Variants in CACNA2D1 observed in about 807,000 individuals in gnomAD.
The protein encoded by CACNA2D1 is calcium voltage-gated channel auxiliary subunit alpha2delta 1.
A neutral mutation model predicts 171.5 loss-of-function variants in CACNA2D1; 53 were observed. The observed-to-expected ratio is 0.31, with a 90% CI of 0.25 to 0.39. The LOEUF is 0.39. Among genes scored for constraint, CACNA2D1 ranks in the 10% least tolerant of loss-of-function variants. The pLI is 1.00. For missense variants in CACNA2D1, 903 were observed against 1,299.8 expected (o/e 0.69, Z 4.69); for synonymous variants, 442 against 443.1 (o/e 1.00, Z 0.03).
At chr7:82,215,922 G>A (rs1284981642) in intron 3 of CACNA2D1, among the ~76,000 whole-genome samples, 1 of 152,006 alleles carries the variant, frequency 6.6e-6, no homozygotes, top group Non-Finnish European at 1.5e-5. Flanking sequence ...CTCTATGCAA[G>A]AAAAATATTT....
In CACNA2D1 at chr7:82,410,350, T is replaced by C. The variant is rs555051607; in HGVS notation, c.95+33015A>G. The C allele has an allele frequency of 8.7e-5, 18 of 205,902 alleles. No homozygotes were observed. In the South Asian group the frequency reaches 2.8e-3, roughly 32 times the overall value. The allele number at this position is 205,902 out of a possible 1,614,324, so 12.8% of individuals were successfully genotyped here. A position where few individuals can be genotyped will look rare whatever the true frequency, so the allele number is the denominator to read the frequency against. Reference sequence around the variant, plus strand: ...AATATACCTTTTCATCCTTTCCTTATGAATCAATCCATCATAGCGGTTTAC... The same window carrying C: ...AATATACCTTTTCATCCTTTCCTTACGAATCAATCCATCATAGCGGTTTAC... On this transcript the variant is annotated intron_variant, in intron 1 of 38. Transcript: ENST00000356860.
chr7:82,211,632 C>T (rs996877311), intron 3 of CACNA2D1, among the ~76,000 whole-genome samples: 14 of 152,142 alleles, frequency 9.2e-5, no homozygotes, highest in African/African-American at 2.9e-4. Flanking sequence ...AGGTTGATTC[C>T]ATGTCTTTGC....
intron 3 of CACNA2D1, among the ~76,000 whole-genome samples, chr7:82,205,934 A>T (rs937497037): frequency 2.0e-5 from 3 of 152,132 alleles, no homozygotes; most frequent in South Asian, 2.1e-4. Flanking sequence ...TAACTTAAAA[A>T]TTTTTTTGTT....
intron 2 of CACNA2D1, among the ~76,000 whole-genome samples, chr7:82,348,390 A>C (rs1479532327): frequency 1.3e-5 from 2 of 152,094 alleles, no homozygotes; most frequent in East Asian, 3.9e-4. Context: ...TTTTATCAAC[A>C]GAGTGTCAGT....
At chr7:82,104,569 A>T (rs898552723) in intron 6 of CACNA2D1, among the ~76,000 whole-genome samples, 4 of 152,044 alleles carry the variant, frequency 2.6e-5, no homozygotes, top group Non-Finnish European at 5.9e-5. Context: ...TAGTTTAAAA[A>T]TTTTATTTCT....
chr7:81,972,240 A>T (rs1475579035), intron 25 of CACNA2D1, among the ~76,000 whole-genome samples: 1 of 151,332 alleles, frequency 6.6e-6, no homozygotes, highest in Non-Finnish European at 1.5e-5. Context: ...ATACACACAT[A>T]AAATTTTATA....
intron 3 of CACNA2D1, among the ~76,000 whole-genome samples, chr7:82,237,634 C>T (rs1160143262): frequency 1.3e-5 from 2 of 151,942 alleles, no homozygotes; most frequent in Non-Finnish European, 2.9e-5. Context: ...CAAGCTAAAA[C>T]ACACATTAAG....
chr7:82,116,989 C>A lies in CACNA2D1; in HGVS notation c.526+55G>T, dbSNP rs1387377485. 19 of 1,595,168 alleles carry A rather than the reference C, an allele frequency of 1.2e-5. No individual in the cohort carries two copies. The East Asian group carries it at 4.0e-4, about 34-fold the overall frequency. ...TTTTTTCCCCCTCAAACATGGGAAACATAAGACAGGCGAGAGCATGGTATT... is the reference window on the plus strand; with the variant it reads ...TTTTTTCCCCCTCAAACATGGGAAAAATAAGACAGGCGAGAGCATGGTATT... On this transcript the variant is annotated intron_variant, in intron 6 of 38. Coordinates refer to ENST00000356860, the MANE Select transcript of CACNA2D1 (RefSeq NM_000722.4).
At chr7:82,168,849 A>G (rs73387962) in intron 4 of CACNA2D1, among the ~76,000 whole-genome samples, 14,870 of 152,130 alleles carry the variant, frequency 0.098, 1,293 homozygotes, top group African/African-American at 0.23. Flanking sequence ...AGGCAAAGAA[A>G]AAGGGTGCTT....
In CACNA2D1 at chr7:82,175,129, AG is replaced by A. The variant is rs1243381779; in HGVS notation, c.295-4521del. On this transcript the variant is annotated intron_variant, in intron 3 of 38. Transcript: ENST00000356860. ...AGATTGCAAATTTATTGCAAGTTAA[AG>A]ATAAAATTTGCTTTCTGAAATTATG... is the stretch of plus-strand genomic sequence containing the variant. 8.5e-5 allele frequency among the ~76,000 whole-genome samples: 13 copies of A among 152,148 alleles called. No homozygotes were observed. In the East Asian group the frequency reaches 2.5e-3, roughly 29 times the overall value.
At position 82,149,796 on chromosome 7, in the gene CACNA2D1, A is replaced by G. The variant is rs796420465; in HGVS notation, c.355-13120T>C. Among the ~76,000 whole-genome samples the G allele has an allele frequency of 6.2e-3, 847 of 136,730 alleles. 8 individuals are homozygous for G. The highest frequency in any genetic ancestry group is 0.02 in the African/African-American group (769 of 38,384). 89.7% of individuals were successfully genotyped at this position (136,730 alleles called of 152,430 possible). A position where few individuals can be genotyped will look rare whatever the true frequency, so the allele number is the denominator to read the frequency against. ...ACAAAAAAAAAACAAACAAACAACA[A>G]AAAAAAAAACATTAGCTGGGTGTGG... On this transcript the variant is annotated intron_variant, in intron 4 of 38. Transcript: ENST00000356860.
At chr7:82,263,015 T>C (rs958461913) in intron 3 of CACNA2D1, among the ~76,000 whole-genome samples, 5 of 152,024 alleles carry the variant, frequency 3.3e-5, no homozygotes, top group African/African-American at 7.2e-5. Flanking sequence ...GCTGTCCCAT[T>C]CTTCATTGAA....
At chr7:82,117,257 A>C (rs752751332) in intron 5 of CACNA2D1, 84 bp from the exon 6 acceptor site, 63 of 1,311,938 alleles carry the variant, frequency 4.8e-5, no homozygotes, top group African/African-American at 1.0e-4. Flanking sequence ...TGCCAAATGC[A>C]TATTTTTCAA....
intron 12 of CACNA2D1, among the ~76,000 whole-genome samples, chr7:82,015,225 C>A (rs955490927): frequency 1.3e-4 from 20 of 152,142 alleles, no homozygotes; most frequent in Admixed American, 1.2e-3. Context: ...TCAGAAAGGT[C>A]ATTGTACTTC....
intron 10 of CACNA2D1, among the ~76,000 whole-genome samples, chr7:82,041,494 G>A (rs1372332437): frequency 6.6e-6 from 1 of 152,090 alleles, no homozygotes; most frequent in Non-Finnish European, 1.5e-5. Flanking sequence ...AGAGGAGAAG[G>A]AAGGCTTAGA....
At chr7:82,164,167 T>C (rs960740040) in intron 4 of CACNA2D1, among the ~76,000 whole-genome samples, 31 of 151,954 alleles carry the variant, frequency 2.0e-4, no homozygotes, top group African/African-American at 7.0e-4. Context: ...AGTAATATTG[T>C]CAATAATGCT....
chr7:82,291,299 A>C (rs532987306), intron 3 of CACNA2D1, among the ~76,000 whole-genome samples: 16 of 141,686 alleles, frequency 1.1e-4, no homozygotes, highest in African/African-American at 4.1e-4. Context: ...TATATAGTAT[A>C]TATAATATAT....
intron 5 of CACNA2D1, among the ~76,000 whole-genome samples, chr7:82,127,923 T>A (rs907948665): frequency 2.0e-5 from 3 of 152,070 alleles, no homozygotes; most frequent in Non-Finnish European, 2.9e-5. Flanking sequence ...TTTTGTTTTC[T>A]GAGGTTTTTT....
In CACNA2D1 at chr7:82,106,286, A is replaced by AT. The variant is rs1035025083; in HGVS notation, c.526+10757dup. On this transcript the variant is annotated intron_variant, in intron 6 of 38. Coordinates refer to ENST00000356860, the MANE Select transcript of CACNA2D1 (RefSeq NM_000722.4). The stretch of plus-strand genomic sequence containing the variant: ...TCCTCATCTCAAATTCCAGACCCCC[A>AT]TTTTTTTTTCCAGTTGTCAATCCCT... Among the ~76,000 whole-genome samples the AT allele has an allele frequency of 2.6e-3, 397 of 150,948 alleles. 1 individual carries two copies. Among genetic ancestry groups the AT allele is most frequent in the African/African-American group, 8.9e-3 (367 of 41,214 alleles).
Sources: allele counts gnomAD v4.1 joint callset (sites outside exome capture counted in the v4.1 genomes callset), GRCh38; gene constraint gnomAD v4.1.1; transcripts MANE v1.5; gene names NCBI Gene and HGNC (gene_info 2026-07-23, HGNC 2026-07-21).